NLGN1: variants seen among roughly 807,000 people sequenced by gnomAD.
NLGN1 encodes the protein neuroligin 1, also known as neuroligin-1.
A neutral mutation model predicts 65.5 loss-of-function variants in NLGN1; 12 were observed. That is an observed-to-expected ratio of 0.18 (90% confidence interval 0.12 to 0.30). The LOEUF (loss-of-function observed/expected upper bound fraction) is 0.30, where lower values mean the gene tolerates loss of function less well. NLGN1 is among the 10% of genes least tolerant of loss of function. The probability of loss-of-function intolerance (pLI) is 1.00; values close to 1 mark genes in which losing one functional copy is unlikely to be tolerated. For synonymous variants in NLGN1, 350 were observed against 359.5 expected (o/e 0.97, Z 0.30); for missense variants, 750 against 1,007.1 (o/e 0.74, Z 3.46).
At chr3:173,956,268 A>T (rs1428201259) in intron 4 of NLGN1, among the ~76,000 whole-genome samples, 1 of 152,152 alleles carries the variant, frequency 6.6e-6, no homozygotes, top group Non-Finnish European at 1.5e-5. Flanking sequence ...GCCTTTTCCT[A>T]TTACAATATT....
intron 2 of NLGN1, among the ~76,000 whole-genome samples, chr3:173,560,178 G>A (rs912370820): frequency 2.3e-4 from 35 of 151,980 alleles, no homozygotes; most frequent in Non-Finnish European, 3.7e-4. Context: ...TGATCCGCCC[G>A]CCTCGGCCTC....
intron 3 of NLGN1, among the ~76,000 whole-genome samples, chr3:173,786,754 G>T (rs889645102): frequency 6.6e-6 from 1 of 152,084 alleles, no homozygotes; most frequent in Non-Finnish European, 1.5e-5. Flanking sequence ...CATATTCAAA[G>T]GAAATATATA....
chr3:174,272,657 G>GGTTAGATA (rs1553987126), intron 4 of NLGN1, among the ~76,000 whole-genome samples: 1 of 119,938 alleles, frequency 8.3e-6, no homozygotes, highest in Non-Finnish European at 1.8e-5. Context: ...ATGGATGGAT[G>GGTTAGATA]GATGGATGGA....
At chr3:173,715,414 C>A (rs191683204) in intron 3 of NLGN1, among the ~76,000 whole-genome samples, 4 of 152,128 alleles carry the variant, frequency 2.6e-5, no homozygotes, top group African/African-American at 7.2e-5. Context: ...TATGCCACTT[C>A]TTTTTTCCTT....
chr3:174,038,801 G>A (rs938463283), intron 4 of NLGN1, among the ~76,000 whole-genome samples: 1 of 152,122 alleles, frequency 6.6e-6, no homozygotes, highest in African/African-American at 2.4e-5. Flanking sequence ...TGACTGTCCA[G>A]GTGGCCTTTC....
At chr3:173,836,446 T>C (rs1723650692) in intron 4 of NLGN1, among the ~76,000 whole-genome samples, 1 of 152,186 alleles carries the variant, frequency 6.6e-6, no homozygotes. Context: ...TATTGATTTA[T>C]GGACCTTAAT....
At chr3:173,525,703 G>T (rs955589421) in intron 2 of NLGN1, among the ~76,000 whole-genome samples, 1 of 151,998 alleles carries the variant, frequency 6.6e-6, no homozygotes, top group East Asian at 1.9e-4. Context: ...GTTAATTTGA[G>T]ATCTTTCTAT....
At chr3:173,865,520 T>G in intron 4 of NLGN1, among the ~76,000 whole-genome samples, 1 of 152,106 alleles carries the variant, frequency 6.6e-6, no homozygotes, top group South Asian at 2.1e-4. Context: ...ATCCCTATGA[T>G]TTCAAAATGA....
intron 4 of NLGN1, among the ~76,000 whole-genome samples, chr3:173,812,515 C>G (rs111897527): frequency 0.02 from 3,002 of 151,822 alleles, 86 homozygotes; most frequent in African/African-American, 0.068. Context: ...ATCACTTGAG[C>G]CCAGGAGTTC....
chr3:174,204,454 C>T (rs1289979209), intron 4 of NLGN1, among the ~76,000 whole-genome samples: 1 of 152,160 alleles, frequency 6.6e-6, no homozygotes. Context: ...TGGATTAGTG[C>T]ATAGGATAAA....
Position 174,280,815 on chromosome 3 carries a change from C to A in NLGN1, c.1984C>A (p.Pro662Thr). The change falls in exon 7 of 7, where the codon CCA becomes ACA. Residue 662 changes from proline (P) to threonine (T), a missense_variant. Transcript: ENST00000457714. The surrounding 1 kb of genome is among the most constrained non-coding windows in gnomAD (Gnocchi z 4.9). ...CAAGCAGGATGATCCCAAACAACAA[C>A]CAAGTCCATTTTCAGTGGATCAAAG... The A allele has an allele frequency of 1.9e-6, 3 of 1,613,428 alleles. No individual in the cohort carries two copies. The African/African-American group carries it at 4.0e-5, about 22-fold the overall frequency.
At chr3:174,211,218 G>T (rs1048079155) in intron 4 of NLGN1, among the ~76,000 whole-genome samples, 10 of 152,190 alleles carry the variant, frequency 6.6e-5, no homozygotes, top group Non-Finnish European at 1.2e-4. Context: ...TGTGGAAGGG[G>T]ACCCCAGCGG....
chr3:174,007,573 T>C (rs1724691896), intron 4 of NLGN1, among the ~76,000 whole-genome samples: 1 of 152,200 alleles, frequency 6.6e-6, no homozygotes, highest in South Asian at 2.1e-4. Context: ...TAGCCAATGA[T>C]GTACAAACTT....
intron 4 of NLGN1, among the ~76,000 whole-genome samples, chr3:174,138,822 AAT>A (rs1405259179): frequency 3.9e-5 from 6 of 152,250 alleles, no homozygotes; most frequent in Admixed American, 3.9e-4. Flanking sequence ...TTTACTTATC[AAT>A]CTTTATTTCC....
At chr3:173,826,201 A>G (rs568147142) in intron 4 of NLGN1, among the ~76,000 whole-genome samples, 10 of 152,178 alleles carry the variant, frequency 6.6e-5, no homozygotes, top group African/African-American at 1.2e-4. Flanking sequence ...TCCTCTGGAA[A>G]TATAGAAAAC....
chr3:173,818,033 A>T (rs1193803986), intron 4 of NLGN1, among the ~76,000 whole-genome samples: 2 of 152,206 alleles, frequency 1.3e-5, no homozygotes, highest in African/African-American at 4.8e-5. Context: ...AACTAACTAA[A>T]CAATAAACAA....
chr3:173,785,979 A>G (rs551511253), intron 3 of NLGN1, among the ~76,000 whole-genome samples: 21 of 152,320 alleles, frequency 1.4e-4, no homozygotes, highest in African/African-American at 5.1e-4. Context: ...AAAATCCTAC[A>G]AATAGAAAAA....
intron 4 of NLGN1, among the ~76,000 whole-genome samples, chr3:174,155,662 C>G (rs574859232): frequency 2.4e-4 from 36 of 151,494 alleles, no homozygotes; most frequent in Non-Finnish European, 4.3e-4. Flanking sequence ...GCTAAAGATG[C>G]CTTATATTGC....
At chr3:173,843,774 T>C (rs942571973) in intron 4 of NLGN1, among the ~76,000 whole-genome samples, 22 of 152,178 alleles carry the variant, frequency 1.4e-4, no homozygotes, top group Admixed American at 3.9e-4. Flanking sequence ...TTGCACATTT[T>C]CCTGTCTTCT....
Sources: allele counts gnomAD v4.1 joint callset (sites outside exome capture counted in the v4.1 genomes callset), GRCh38; gene constraint gnomAD v4.1.1; non-coding constraint Gnocchi (gnomAD v3.1); transcripts MANE v1.5; gene names NCBI Gene and HGNC (gene_info 2026-07-23, HGNC 2026-07-21).